Variants in GADL1 observed in about 807,000 individuals in gnomAD.
GADL1 encodes the protein GAD like acidic amino acid decarboxylase 1.
In GADL1, 71 loss-of-function variants were observed where a neutral mutation model predicts 69.5. The observed-to-expected ratio is 1.02, with a 90% CI of 0.84 to 1.25. The LOEUF is 1.25. Among genes scored for constraint, GADL1 ranks in the 50% most tolerant of loss-of-function variants. The pLI, the probability that GADL1 is intolerant of heterozygous loss-of-function variation, is 0.00. For synonymous variants in GADL1, 254 were observed against 214.4 expected (o/e 1.18, Z -1.62); for missense variants, 737 against 631.8 (o/e 1.17, Z -1.79).
chr3:30,781,464 TG>T (rs1696663686), intron 13 of GADL1, among the ~76,000 whole-genome samples: 1 of 152,186 alleles, frequency 6.6e-6, no homozygotes, highest in African/African-American at 2.4e-5. Context: ...TTTTAATAAA[TG>T]TAAATGCAGA....
chr3:30,865,064 C>A (rs1237914807), intron 1 of GADL1, among the ~76,000 whole-genome samples: 1 of 151,974 alleles, frequency 6.6e-6, no homozygotes. Flanking sequence ...CCTATTATCT[C>A]ATGGACCTCA....
At chr3:30,771,797 CA>C (rs1696425493) in intron 14 of GADL1, among the ~76,000 whole-genome samples, 3 of 152,146 alleles carry the variant, frequency 2.0e-5, no homozygotes, top group Admixed American at 2.0e-4. Context: ...ACACAGCTTT[CA>C]ATTAATTTGT....
rs895471236 is a variant in GADL1, at chr3:30,727,663, G to A, written c.*579C>T. ...CTGAAATATTAGATATCCCTTTGCTGGCAAAACATCAGAGTGGGTATTCGA... is the reference window on the plus strand; with the variant it reads ...CTGAAATATTAGATATCCCTTTGCTAGCAAAACATCAGAGTGGGTATTCGA... On this transcript the variant is annotated 3_prime_UTR_variant, in exon 15 of 15. Transcript: ENST00000282538. The A allele has an allele frequency of 3.9e-5, 6 of 152,032 alleles. No individual in the cohort carries two copies. Among genetic ancestry groups the A allele is most frequent in the Non-Finnish European group, 7.4e-5 (5 of 68,016 alleles). The allele number at this position is 152,032 out of a possible 1,614,324, so 9.4% of individuals were successfully genotyped here.
At chr3:30,848,521 TC>T (rs1258680045) in intron 6 of GADL1, among the ~76,000 whole-genome samples, 1 of 151,924 alleles carries the variant, frequency 6.6e-6, no homozygotes, top group Admixed American at 6.6e-5. Context: ...TTTTATTTTG[TC>T]CACTTCATGT....
chr3:30,746,074 C>T (rs1209907329), intron 14 of GADL1, among the ~76,000 whole-genome samples: 3 of 151,568 alleles, frequency 2.0e-5, no homozygotes, highest in East Asian at 3.9e-4. Context: ...CCGCAGCCTT[C>T]GCTTCCTGGG....
Position 30,751,724 on chromosome 3 carries a change from A to G in GADL1, c.1393-23309T>C, listed in dbSNP as rs1266130084. 2.0e-5 allele frequency among the ~76,000 whole-genome samples: 3 copies of G among 152,268 alleles called. No homozygotes were observed. The East Asian group carries it at 5.8e-4, about 29-fold the overall frequency. On this transcript the variant is annotated intron_variant, in intron 14 of 14. Coordinates refer to ENST00000282538, the MANE Select transcript of GADL1 (RefSeq NM_207359.3). ...GTCTCATAGACACGGAGATCTATGC[A>G]CTGAGAAACTGAACTAGATTTCTGC...
intron 14 of GADL1, among the ~76,000 whole-genome samples, chr3:30,752,327 C>T (rs1427024908): frequency 1.3e-5 from 2 of 150,786 alleles, no homozygotes; most frequent in Non-Finnish European, 1.5e-5. Flanking sequence ...GCCTATCTCT[C>T]TTGCTGACAG....
chr3:30,807,261 AAGCT>A (rs1697272106), intron 11 of GADL1, among the ~76,000 whole-genome samples: 1 of 152,190 alleles, frequency 6.6e-6, no homozygotes, highest in Admixed American at 6.5e-5. Flanking sequence ...TTCCCCAGGC[AAGCT>A]ACAGAACAGA....
At chr3:30,731,081 G>A (rs1448145963) in intron 14 of GADL1, among the ~76,000 whole-genome samples, 2 of 152,184 alleles carry the variant, frequency 1.3e-5, no homozygotes, top group Non-Finnish European at 2.9e-5. Context: ...CAACAGTAGT[G>A]CCAGTGCTGA....
chr3:30,892,312 T>C (rs1698797245), intron 1 of GADL1, among the ~76,000 whole-genome samples: 1 of 152,204 alleles, frequency 6.6e-6, no homozygotes, highest in Non-Finnish European at 1.5e-5. Flanking sequence ...AGACAAGATA[T>C]CATTTAACAT....
intron 4 of GADL1, among the ~76,000 whole-genome samples, chr3:30,852,570 A>G (rs1698164827): frequency 6.6e-6 from 1 of 152,126 alleles, no homozygotes; most frequent in African/African-American, 2.4e-5. Context: ...GCCAGTGTAC[A>G]TACACAAAAA....
chr3:30,826,882 TA>T (rs1206210357), intron 11 of GADL1, among the ~76,000 whole-genome samples: 2 of 151,802 alleles, frequency 1.3e-5, no homozygotes, highest in African/African-American at 4.8e-5. Context: ...GGCATGTAGA[TA>T]AAAGGCCAAA....
chr3:30,780,107 T>C (rs1365174039), intron 13 of GADL1, among the ~76,000 whole-genome samples: 2 of 152,176 alleles, frequency 1.3e-5, no homozygotes, highest in Non-Finnish European at 2.9e-5. Context: ...TAAATGGCTT[T>C]TCCTGGCATA....
At chr3:30,790,726 G>GATAGTAC (rs1696895586) in intron 12 of GADL1, among the ~76,000 whole-genome samples, 2 of 152,108 alleles carry the variant, frequency 1.3e-5, no homozygotes, top group African/African-American at 2.4e-5. Context: ...ATCAAGGATA[G>GATAGTAC]ATATAACAGC....
chr3:30,818,333 C>T (rs1697510745), intron 11 of GADL1, among the ~76,000 whole-genome samples: 1 of 152,172 alleles, frequency 6.6e-6, no homozygotes, highest in African/African-American at 2.4e-5. Flanking sequence ...AATTATATCA[C>T]TTTGGATGTA....
At chr3:30,785,452 G>A (rs1222655008) in intron 13 of GADL1, among the ~76,000 whole-genome samples, 3 of 146,550 alleles carry the variant, frequency 2.0e-5, no homozygotes, top group Non-Finnish European at 3.0e-5. Context: ...TGGCGCGATA[G>A]CTCACCGCAA....
At chr3:30,755,538 GCTAT>G (rs1320672462) in intron 14 of GADL1, among the ~76,000 whole-genome samples, 1 of 152,200 alleles carries the variant, frequency 6.6e-6, no homozygotes, top group Non-Finnish European at 1.5e-5. Context: ...TCCTAGGAGG[GCTAT>G]CTCCTTTGCA....
At chr3:30,841,881 A>G (rs1676321691) in intron 8 of GADL1, among the ~76,000 whole-genome samples, 1 of 152,158 alleles carries the variant, frequency 6.6e-6, no homozygotes, top group South Asian at 2.1e-4. Flanking sequence ...AAAAAGAAAA[A>G]TACAACTTAA....
chr3:30,847,425 TAAAAG>T (rs975204784), intron 6 of GADL1, among the ~76,000 whole-genome samples: 2 of 152,108 alleles, frequency 1.3e-5, no homozygotes, highest in African/African-American at 2.4e-5. Flanking sequence ...ACCAAACCCT[TAAAAG>T]AAAATAAGGG....
Sources: gnomAD v4.1 joint callset for allele counts (sites outside exome capture counted in the v4.1 genomes callset) on GRCh38, gnomAD v4.1.1 for gene constraint, MANE v1.5 for transcripts, NCBI Gene and HGNC (gene_info 2026-07-23, HGNC 2026-07-21) for gene names.